Variants in DYRK1A observed in about 807,000 individuals in gnomAD.
The protein encoded by DYRK1A is dual specificity tyrosine-phosphorylation-regulated kinase 1A.
In DYRK1A, 9 loss-of-function variants were observed where a neutral mutation model predicts 79.7. That is an observed-to-expected ratio of 0.11 (90% CI 0.07 to 0.20). The LOEUF (loss-of-function observed/expected upper bound fraction) is 0.20, where lower values mean the gene tolerates loss of function less well. Among genes scored for constraint, DYRK1A ranks in the 10% least tolerant of loss-of-function variants. DYRK1A has a pLI of 1.00. For missense variants in DYRK1A, 622 were observed against 956.0 expected, an observed-to-expected ratio of 0.65 and a Z score of 4.61; for synonymous variants, 349 against 329.7, an observed-to-expected ratio of 1.06 and a Z score of -0.63.
At chr21:37,450,963 A>G (rs1194248399) in intron 2 of DYRK1A, among the ~76,000 whole-genome samples, 1 of 152,218 alleles carries the variant, frequency 6.6e-6, no homozygotes, top group African/African-American at 2.4e-5. Context: ...ACTGTAATGA[A>G]GCTACAAAAA....
intron 2 of DYRK1A, among the ~76,000 whole-genome samples, chr21:37,426,497 T>C (rs947769752): frequency 1.3e-5 from 2 of 151,826 alleles, no homozygotes; most frequent in African/African-American, 2.4e-5. Flanking sequence ...AATGTAAATC[T>C]GAATAAGGAA....
chr21:37,371,490 C>T (rs1354600471), intron 1 of DYRK1A, among the ~76,000 whole-genome samples: 5 of 152,128 alleles, frequency 3.3e-5, no homozygotes, highest in Non-Finnish European at 5.9e-5. Flanking sequence ...ACGTTGAACA[C>T]GTGAAATGGT....
upstream of DYRK1A, among the ~76,000 whole-genome samples, chr21:37,366,566 A>T (rs2049309373): frequency 6.7e-6 from 1 of 150,288 alleles, no homozygotes; most frequent in Non-Finnish European, 1.5e-5. Context: ...TGACACTCGT[A>T]GCGGACCCGA....
At position 37,478,252 on chromosome 21, in the gene DYRK1A, G is replaced by A; in HGVS notation, c.252G>A (p.Leu84=). 1.2e-6 allele frequency: 2 copies of A among 1,614,094 alleles called. No individual in the cohort carries two copies. The highest frequency in any genetic ancestry group is 1.7e-6 in the Non-Finnish European group (2 of 1,179,976). ...QTFRDPATAP[L]RKLSVDLIKT... ...TCCGTGACCCAGCAACTGCTCCCCT[G>A]AGAAAACTTTCTGTTGACTTGATCA... is the stretch of plus-strand genomic sequence containing the variant. Residue 84 remains leucine (L), a synonymous_variant, in exon 4 of 12, where the codon CTG becomes CTA. Transcript: ENST00000647188.
intron 1 of DYRK1A, chr21:37,419,555 G>A (rs1302366970): frequency 6.6e-6 from 1 of 152,094 alleles, no homozygotes; most frequent in Non-Finnish European, 1.5e-5. Flanking sequence ...AATTAAATTC[G>A]ATAGTATCAA....
At chr21:37,495,496 G>T (rs2053241238) in intron 8 of DYRK1A, among the ~76,000 whole-genome samples, 1 of 152,162 alleles carries the variant, frequency 6.6e-6, no homozygotes, top group African/African-American at 2.4e-5. Context: ...TGTCTCTACT[G>T]AAAAATATGC....
At chr21:37,496,931 A>G (rs150313425) in intron 9 of DYRK1A, among the ~76,000 whole-genome samples, 3 of 152,182 alleles carry the variant, frequency 2.0e-5, no homozygotes, top group African/African-American at 7.2e-5. Flanking sequence ...CCAATTTTGC[A>G]TCTTGATTTT....
Position 37,512,859 on chromosome 21 carries a change from A to G in DYRK1A, c.*328A>G, listed in dbSNP as rs1050235416. 1.2e-5 allele frequency: 3 copies of G among 256,060 alleles called. No individual in the cohort carries two copies. The highest frequency in any genetic ancestry group is 6.7e-5 in the African/African-American group (3 of 44,928). 15.9% of individuals were successfully genotyped at this position (256,060 alleles called of 1,614,324 possible). ...TAATATTCAGATGTTGGTCTTGGTCATTTGCCAACTAATTTTAAAGTAAAA... is the reference window on the plus strand; with the variant it reads ...TAATATTCAGATGTTGGTCTTGGTCGTTTGCCAACTAATTTTAAAGTAAAA... On this transcript the variant is annotated 3_prime_UTR_variant, in exon 12 of 12. Transcript: ENST00000647188.
At chr21:37,437,931 T>A (rs942661328) in intron 2 of DYRK1A, among the ~76,000 whole-genome samples, 10 of 152,202 alleles carry the variant, frequency 6.6e-5, no homozygotes, top group Admixed American at 2.6e-4. Context: ...GCTAAATGGT[T>A]TTACAAAGTA....
At chr21:37,447,496 A>G (rs1004827857) in intron 2 of DYRK1A, among the ~76,000 whole-genome samples, 3 of 151,904 alleles carry the variant, frequency 2.0e-5, no homozygotes, top group African/African-American at 7.3e-5. Context: ...ATATAGCCCT[A>G]CTCATTGGTT....
chr21:37,506,956 A>G (rs1047625348), intron 11 of DYRK1A, among the ~76,000 whole-genome samples: 1 of 152,176 alleles, frequency 6.6e-6, no homozygotes, highest in Non-Finnish European at 1.5e-5. Flanking sequence ...GTTTGTCAGC[A>G]CTGTTAATAC....
At chr21:37,393,519 T>C (rs955610219) in intron 1 of DYRK1A, among the ~76,000 whole-genome samples, 6 of 152,204 alleles carry the variant, frequency 3.9e-5, no homozygotes, top group Non-Finnish European at 8.8e-5. Flanking sequence ...TATGCTGATA[T>C]GAGATGTCAC....
At chr21:37,398,076 AAT>A (rs1555953897) in intron 1 of DYRK1A, among the ~76,000 whole-genome samples, 10,729 of 145,662 alleles carry the variant, frequency 0.074, 579 homozygotes, top group Non-Finnish European at 0.11. Context: ...TTAAAAAAAA[AAT>A]ATATATATAT....
At chr21:37,500,678 AG>A (rs2053415043) in intron 9 of DYRK1A, among the ~76,000 whole-genome samples, 1 of 152,046 alleles carries the variant, frequency 6.6e-6, no homozygotes, top group Non-Finnish European at 1.5e-5. Context: ...TTTTTAAGTT[AG>A]TTTTGGTAAG....
At position 37,490,527 on chromosome 21, in the gene DYRK1A, G is replaced by T. The variant is rs1345063519; in HGVS notation, c.924+66G>T. ...AATAGAAGTAGGTAGGACAGTGTAG[G>T]TATTAGGTTGGCGCAAAAGTAATTG... On this transcript the variant is annotated intron_variant, in intron 7 of 11. Transcript: ENST00000647188. The T allele has an allele frequency of 3.1e-6, 4 of 1,300,036 alleles. No individual in the cohort carries two copies. The South Asian group carries it at 9.1e-5, about 29-fold the overall frequency. 80.5% of individuals were successfully genotyped at this position (1,300,036 alleles called of 1,614,324 possible).
At chr21:37,457,021 CTTACTTACTTACTTACTTATTTATTTAT>C (rs1338836414) in intron 2 of DYRK1A, among the ~76,000 whole-genome samples, 12 of 85,408 alleles carry the variant, frequency 1.4e-4, no homozygotes, top group African/African-American at 5.3e-4. Context: ...AATTTACTTA[CTTACTTACTTACTTACTTATTTATTTAT>C]TTATTTATTT....
intron 1 of DYRK1A, among the ~76,000 whole-genome samples, chr21:37,406,755 A>C (rs200949566): frequency 2.5e-4 from 11 of 44,344 alleles, no homozygotes; most frequent in South Asian, 5.5e-4. Flanking sequence ...ATCTCTATAT[A>C]TCTATATATG....
At position 37,488,485 on chromosome 21, in the gene DYRK1A, A is replaced by G. The variant is rs1027981924; in HGVS notation, c.638-1690A>G. On this transcript the variant is annotated intron_variant, in intron 6 of 11. Coordinates refer to ENST00000647188, the MANE Select transcript of DYRK1A (RefSeq NM_001347721.2). ...CATCTACTTCTTTACTGTGTAGCCA[A>G]ATTTCTTATCTGGATTATTTGGTAC... 12 of 827,786 alleles carry G rather than the reference A, an allele frequency of 1.4e-5. No homozygotes were observed. In the African/African-American group the frequency reaches 1.5e-4, roughly 10 times the overall value. 51.3% of individuals were successfully genotyped at this position (827,786 alleles called of 1,614,324 possible). A position where few individuals can be genotyped will look rare whatever the true frequency, so the allele number is the denominator to read the frequency against.
chr21:37,418,097 T>C (rs1029235042), intron 1 of DYRK1A, among the ~76,000 whole-genome samples: 1 of 152,218 alleles, frequency 6.6e-6, no homozygotes, highest in African/African-American at 2.4e-5. Flanking sequence ...TATCTGCTTA[T>C]TGTCATATAA....
Sources: allele counts gnomAD v4.1 joint callset (sites outside exome capture counted in the v4.1 genomes callset), GRCh38; gene constraint gnomAD v4.1.1; transcripts MANE v1.5; gene names NCBI Gene and HGNC (gene_info 2026-07-23, HGNC 2026-07-21).